Variants in MACROD2 observed in about 807,000 individuals in gnomAD.
MACROD2 encodes ADP-ribose glycohydrolase MACROD2.
MACROD2 carries 36 observed loss-of-function variants against 70.4 expected under a neutral mutation model. That is an observed-to-expected ratio of 0.51 (90% CI 0.39 to 0.68). MACROD2 has a LOEUF of 0.68. Among genes scored for constraint, MACROD2 ranks in the 30% least tolerant of loss-of-function variants. The probability of loss-of-function intolerance (pLI) is 0.00; values close to 1 mark genes in which losing one functional copy is unlikely to be tolerated. For synonymous variants in MACROD2, 172 were observed against 178.8 expected (o/e 0.96, Z 0.30); for missense variants, 496 against 538.4 (o/e 0.92, Z 0.78).
chr20:15,741,444 C>G (rs556613118), intron 8 of MACROD2, among the ~76,000 whole-genome samples: 6 of 152,016 alleles, frequency 3.9e-5, no homozygotes, highest in Non-Finnish European at 7.4e-5. Flanking sequence ...TGCCTCACCT[C>G]ACACGCTGGC....
At chr20:15,539,149 A>G (rs1299683650) in intron 8 of MACROD2, among the ~76,000 whole-genome samples, 1 of 152,216 alleles carries the variant, frequency 6.6e-6, no homozygotes, top group African/African-American at 2.4e-5. Context: ...TATGTAACCA[A>G]CAAATACAAT....
intron 5 of MACROD2, among the ~76,000 whole-genome samples, chr20:14,801,898 T>A (rs2122142441): frequency 6.6e-6 from 1 of 152,206 alleles, no homozygotes; most frequent in African/African-American, 2.4e-5. Context: ...TGTTTTCGTT[T>A]TGACTTTCCA....
chr20:15,901,204 C>G (rs1369502273), intron 10 of MACROD2, among the ~76,000 whole-genome samples: 6 of 152,166 alleles, frequency 3.9e-5, no homozygotes, highest in Non-Finnish European at 7.4e-5. Flanking sequence ...CCCAGTTGCA[C>G]TAATTCCAGT....
chr20:15,082,234 G>T (rs2075708948), intron 5 of MACROD2, among the ~76,000 whole-genome samples: 1 of 152,166 alleles, frequency 6.6e-6, no homozygotes, highest in African/African-American at 2.4e-5. Flanking sequence ...AAGAGGAGAG[G>T]ACAGATTTCT....
chr20:15,397,035 A>T (rs901583681), intron 6 of MACROD2, among the ~76,000 whole-genome samples: 10 of 152,240 alleles, frequency 6.6e-5, no homozygotes, highest in African/African-American at 2.4e-4. Context: ...AAACGTAGTT[A>T]AGGCAAAAGA....
intron 8 of MACROD2, among the ~76,000 whole-genome samples, chr20:15,707,603 G>C (rs1369218282): frequency 1.3e-5 from 2 of 152,066 alleles, no homozygotes; most frequent in East Asian, 1.9e-4. Context: ...GGCCAACATG[G>C]GGAAACCCCG....
chr20:15,603,363 C>T (rs1356655651), intron 8 of MACROD2, among the ~76,000 whole-genome samples: 1 of 151,552 alleles, frequency 6.6e-6, no homozygotes, highest in Admixed American at 6.6e-5. Flanking sequence ...AAAAAATTAG[C>T]CAGACATGGT....
chr20:14,480,692 C>G (rs764362453), intron 3 of MACROD2, among the ~76,000 whole-genome samples: 1 of 152,066 alleles, frequency 6.6e-6, no homozygotes, highest in Non-Finnish European at 1.5e-5. Context: ...CCTGATGGAA[C>G]TGTAATACAA....
chr20:14,085,535 G>A, intron 2 of MACROD2, 86 bp from the exon 3 acceptor site: 1 of 671,034 alleles, frequency 1.5e-6, no homozygotes, highest in Non-Finnish European at 2.3e-6. Context: ...CACATATTGG[G>A]TCTTGTAGTA....
intron 6 of MACROD2, among the ~76,000 whole-genome samples, chr20:15,258,569 A>G (rs1266601566): frequency 1.3e-5 from 2 of 152,076 alleles, no homozygotes; most frequent in African/African-American, 4.8e-5. Context: ...CATACAGCCT[A>G]GGTATGTAGT....
At chr20:15,155,011 G>T (rs567357467) in intron 5 of MACROD2, among the ~76,000 whole-genome samples, 1 of 152,188 alleles carries the variant, frequency 6.6e-6, no homozygotes, top group East Asian at 1.9e-4. Flanking sequence ...TGGGTTAAAA[G>T]TTTATGTCCT....
intron 6 of MACROD2, among the ~76,000 whole-genome samples, chr20:15,370,232 G>T (rs1290925327): frequency 1.3e-5 from 2 of 152,032 alleles, no homozygotes; most frequent in African/African-American, 4.8e-5. Context: ...CTTCACTAGT[G>T]AGTTCTTATG....
At chr20:15,585,120 C>G (rs997225474) in intron 8 of MACROD2, among the ~76,000 whole-genome samples, 1 of 152,136 alleles carries the variant, frequency 6.6e-6, no homozygotes, top group Non-Finnish European at 1.5e-5. Context: ...CCCCTACCCC[C>G]TTTGATCTCT....
chr20:14,320,115 A>G (rs1052796288), intron 3 of MACROD2, among the ~76,000 whole-genome samples: 1 of 152,162 alleles, frequency 6.6e-6, no homozygotes, highest in Non-Finnish European at 1.5e-5. Context: ...GCACATAGTC[A>G]CCTGTTCAAA....
At chr20:15,438,201 T>C (rs1321695551) in intron 7 of MACROD2, among the ~76,000 whole-genome samples, 3 of 151,934 alleles carry the variant, frequency 2.0e-5, no homozygotes, top group Admixed American at 2.0e-4. Flanking sequence ...TAACTAGTAA[T>C]AGAATTGGTA....
intron 3 of MACROD2, among the ~76,000 whole-genome samples, chr20:14,122,863 G>A (rs541169403): frequency 5.8e-4 from 88 of 152,232 alleles, no homozygotes; most frequent in African/African-American, 2.0e-3. Flanking sequence ...CAGTGACTGT[G>A]TCTATCTATC....
At chr20:15,710,810 G>A (rs913243279) in intron 8 of MACROD2, among the ~76,000 whole-genome samples, 6 of 152,100 alleles carry the variant, frequency 3.9e-5, no homozygotes, top group Non-Finnish European at 8.8e-5. Context: ...TGAGTTACCG[G>A]TTTCTAAGTA....
At chr20:14,945,829 C>T (rs1201039826) in intron 5 of MACROD2, among the ~76,000 whole-genome samples, 1 of 152,138 alleles carries the variant, frequency 6.6e-6, no homozygotes, top group Non-Finnish European at 1.5e-5. Context: ...TTTTTGTATA[C>T]TCACATAGAG....
chr20:14,726,958 G>T (rs765446359), intron 5 of MACROD2, among the ~76,000 whole-genome samples: 1 of 151,958 alleles, frequency 6.6e-6, no homozygotes, highest in Non-Finnish European at 1.5e-5. Flanking sequence ...CCCATCAGCA[G>T]TCTTATTTAT....
Sources: allele counts gnomAD v4.1 joint callset (sites outside exome capture counted in the v4.1 genomes callset), GRCh38; gene constraint gnomAD v4.1.1; transcripts MANE v1.5; gene names NCBI Gene and HGNC (gene_info 2026-07-23, HGNC 2026-07-21).